The following EYA3 variants were observed in gnomAD, a reference collection of about 807,000 sequenced individuals.
The protein encoded by EYA3 is protein phosphatase EYA3.
In EYA3, 39 loss-of-function variants were observed where a neutral mutation model predicts 80.0. That is an observed-to-expected ratio of 0.49 (90% CI 0.38 to 0.64). EYA3 has a LOEUF of 0.64. Ranked by LOEUF, EYA3 falls within the 30% of genes least tolerant of loss-of-function variation. The probability of loss-of-function intolerance (pLI) is 0.00; values close to 1 mark genes in which losing one functional copy is unlikely to be tolerated. For synonymous variants in EYA3, 206 were observed against 232.8 expected, an observed-to-expected ratio of 0.88 and a Z score of 1.05; for missense variants, 523 against 676.1, an observed-to-expected ratio of 0.77 and a Z score of 2.51.
chr1:28,010,077 T>C (rs565805275), intron 10 of EYA3, among the ~76,000 whole-genome samples: 2 of 152,292 alleles, frequency 1.3e-5, no homozygotes, highest in African/African-American at 4.8e-5. Flanking sequence ...AGGCTTCAAA[T>C]ACAGGCTCAG....
At chr1:28,073,345 A>G (rs1211237009) in intron 1 of EYA3, among the ~76,000 whole-genome samples, 2 of 133,488 alleles carry the variant, frequency 1.5e-5, no homozygotes, top group South Asian at 4.8e-4. Flanking sequence ...TCACCCAGGC[A>G]GGAGTGCAGT....
At chr1:28,004,484 A>G in intron 10 of EYA3, 65 bp from the exon 11 acceptor site, 1 of 1,191,546 alleles carries the variant, frequency 8.4e-7, no homozygotes, top group Middle Eastern at 2.0e-4. Flanking sequence ...ACCAGAAATC[A>G]ATAACAGAAA....
At chr1:27,983,727 C>CTT (rs1410232846) in intron 16 of EYA3, among the ~76,000 whole-genome samples, 1 of 152,202 alleles carries the variant, frequency 6.6e-6, no homozygotes, top group Non-Finnish European at 1.5e-5. Context: ...GCAATCTTGG[C>CTT]TTACTGCAAC....
intron 1 of EYA3, among the ~76,000 whole-genome samples, chr1:28,061,605 T>C (rs1031466436): frequency 6.7e-6 from 1 of 149,068 alleles, no homozygotes; most frequent in African/African-American, 2.5e-5. Context: ...TTTTTTTTTG[T>C]CTTTTGTTTT....
intron 14 of EYA3, 91 bp from the exon 15 acceptor site, chr1:27,989,902 TGA>T (rs1639917528): frequency 3.1e-6 from 2 of 647,182 alleles, no homozygotes; most frequent in Admixed American, 2.9e-5. Flanking sequence ...TTAAAAAGTG[TGA>T]GTCACTGAAA....
At chr1:28,065,760 T>G (rs1644814364) in intron 1 of EYA3, among the ~76,000 whole-genome samples, 1 of 150,114 alleles carries the variant, frequency 6.7e-6, no homozygotes, top group Non-Finnish European at 1.5e-5. Flanking sequence ...ATCCCAGCAC[T>G]CTGGGAGGCC....
At chr1:27,990,802 T>C (rs1242672904) in intron 14 of EYA3, among the ~76,000 whole-genome samples, 2 of 151,812 alleles carry the variant, frequency 1.3e-5, no homozygotes, top group Non-Finnish European at 2.9e-5. Flanking sequence ...CCACCCACCT[T>C]GGCCTCCCAA....
At chr1:27,977,133 A>G in intron 17 of EYA3, 1 of 1,410,940 alleles carries the variant, frequency 7.1e-7, no homozygotes, top group Non-Finnish European at 9.2e-7. Flanking sequence ...ATTGATGCCT[A>G]CACCCACTAG....
chr1:28,012,011 T>C (rs1641728899), intron 9 of EYA3, among the ~76,000 whole-genome samples: 1 of 152,192 alleles, frequency 6.6e-6, no homozygotes, highest in Admixed American at 6.5e-5. Context: ...TTTTGGTACT[T>C]GATAATACAA....
intron 1 of EYA3, among the ~76,000 whole-genome samples, chr1:28,078,524 T>C (rs1645304161): frequency 6.6e-6 from 1 of 152,042 alleles, no homozygotes; most frequent in South Asian, 2.1e-4. Context: ...TAAGTACTTT[T>C]AATATATTAA....
At chr1:28,002,437 TA>T (rs1640931247) in intron 11 of EYA3, among the ~76,000 whole-genome samples, 1 of 150,794 alleles carries the variant, frequency 6.6e-6, no homozygotes, top group African/African-American at 2.4e-5. Flanking sequence ...ATAATTTTTT[TA>T]ATTTTATATA....
intron 10 of EYA3, among the ~76,000 whole-genome samples, chr1:28,005,137 A>G (rs1641174935): frequency 6.6e-6 from 1 of 152,242 alleles, no homozygotes; most frequent in Non-Finnish European, 1.5e-5. Flanking sequence ...AACTGTCTCA[A>G]GAAGGAATAC....
intron 6 of EYA3, among the ~76,000 whole-genome samples, chr1:28,030,781 T>A (rs1643095936): frequency 6.6e-6 from 1 of 152,244 alleles, no homozygotes; most frequent in Admixed American, 6.5e-5. Flanking sequence ...TCTTGCCATG[T>A]CTGATTTTCA....
chr1:28,085,730 T>C (rs1419152617), intron 1 of EYA3, among the ~76,000 whole-genome samples: 5 of 152,178 alleles, frequency 3.3e-5, no homozygotes, highest in Admixed American at 3.3e-4. Context: ...TCCTGAGCTT[T>C]AAAAACAAAC....
intron 1 of EYA3, among the ~76,000 whole-genome samples, chr1:28,070,589 G>T (rs2148928489): frequency 6.6e-6 from 1 of 151,410 alleles, no homozygotes; most frequent in South Asian, 2.1e-4. Context: ...ATGTAAATAA[G>T]ATAAGAGAAC....
chr1:28,009,915 C>T lies in EYA3; in HGVS notation c.909+1032G>A. Among the ~76,000 whole-genome samples the T allele has an allele frequency of 6.6e-6, 1 of 152,050 alleles. No homozygotes were observed. The highest frequency in any genetic ancestry group is 1.9e-4 in the East Asian group (1 of 5,192). On this transcript the variant is annotated intron_variant, in intron 10 of 17. Transcript: ENST00000373871. This position sits in a 1 kb window ranked among gnomAD's most constrained non-coding sequence, Gnocchi z 4.8. ...ACAATATTGAGAATGTATAATGACA[C>T]TAAATTGTACACTTAAAAATGGCTA...
Position 27,974,495 on chromosome 1 carries a change from G to A in EYA3, c.1693C>T (p.His565Tyr). Residue 565 changes from histidine (H) to tyrosine (Y), a missense_variant, in exon 18 of 18, where the codon CAC (histidine) becomes TAC (tyrosine). By Grantham distance (83) the His-to-Tyr change is moderately conservative. This residue lies in a region of EYA3 where 219 missense variants were observed against 332.8 expected (regional missense o/e 0.66). Transcript: ENST00000373871. ...ITNHGDLVSLHQALELDFL is the reference protein window; with the variant it reads ...ITNHGDLVSLYQALELDFL ...AGAAAATCAAGCTCTAAAGCCTGGT[G>A]AAGGGATACTAGGTCTCCATGGTTT... The A allele has an allele frequency of 6.2e-7, 1 of 1,613,152 alleles. No individual in the cohort carries two copies. The highest frequency in any genetic ancestry group is 8.5e-7 in the Non-Finnish European group (1 of 1,179,206).
At chr1:27,985,730 T>C (rs1639611563) in intron 16 of EYA3, among the ~76,000 whole-genome samples, 1 of 152,088 alleles carries the variant, frequency 6.6e-6, no homozygotes, top group African/African-American at 2.4e-5. Flanking sequence ...TACAGGCGCC[T>C]GCCACCAAGC....
chr1:28,028,554 AGAG>A (rs1642924146), intron 6 of EYA3, among the ~76,000 whole-genome samples: 1 of 151,948 alleles, frequency 6.6e-6, no homozygotes, highest in Admixed American at 6.6e-5. Flanking sequence ...AGTTTGCAGA[AGAG>A]TCACCCAGAT....
Sources: gnomAD v4.1 joint callset for allele counts (sites outside exome capture counted in the v4.1 genomes callset) on GRCh38, gnomAD v4.1.1 for gene constraint, gnomAD v4.1.1 regional missense constraint, Gnocchi (gnomAD v3.1) non-coding constraint, MANE v1.5 for transcripts, NCBI Gene and HGNC (gene_info 2026-07-23, HGNC 2026-07-21) for gene names.